RALGAPA1: variants seen among roughly 807,000 people sequenced by gnomAD.
RALGAPA1 encodes Ral GTPase activating protein catalytic subunit alpha 1.
In RALGAPA1, 52 loss-of-function variants were observed where a neutral mutation model predicts 269.6. That is an observed-to-expected ratio of 0.19 (90% confidence interval 0.15 to 0.24). RALGAPA1 has a LOEUF of 0.24. Among genes scored for constraint, RALGAPA1 ranks in the 10% least tolerant of loss-of-function variants. The pLI is 1.00. For missense variants in RALGAPA1, 1,917 were observed against 3,013.9 expected (o/e 0.64, Z 8.52); for synonymous variants, 817 against 1,008.3 (o/e 0.81, Z 3.60).
At chr14:35,546,005 T>A (rs892175526) in intron 41 of RALGAPA1, among the ~76,000 whole-genome samples, 1 of 152,104 alleles carries the variant, frequency 6.6e-6, no homozygotes, top group Non-Finnish European at 1.5e-5. Flanking sequence ...TGTAATTTTT[T>A]AAAAATAAAA....
chr14:35,756,070 T>C (rs1246103318), intron 7 of RALGAPA1, among the ~76,000 whole-genome samples: 1 of 152,218 alleles, frequency 6.6e-6, no homozygotes, highest in Non-Finnish European at 1.5e-5. Flanking sequence ...AGTTGTTACA[T>C]ATTGGCAGAT....
intron 30 of RALGAPA1, among the ~76,000 whole-genome samples, chr14:35,653,399 G>A (rs1283736660): frequency 6.6e-6 from 1 of 152,138 alleles, no homozygotes; most frequent in Non-Finnish European, 1.5e-5. Context: ...TTTTTGAGGA[G>A]ATGGTATTTA....
intron 41 of RALGAPA1, among the ~76,000 whole-genome samples, chr14:35,543,987 G>A (rs1216955414): frequency 6.6e-6 from 1 of 152,042 alleles, no homozygotes; most frequent in African/African-American, 2.4e-5. Context: ...AGGCAAACAT[G>A]TGGTTTCATT....
intron 35 of RALGAPA1, among the ~76,000 whole-genome samples, chr14:35,609,380 A>G (rs1263891231): frequency 1.3e-5 from 2 of 152,182 alleles, no homozygotes; most frequent in Non-Finnish European, 2.9e-5. Context: ...AAATGTAACA[A>G]TTTACTCCTA....
chr14:35,721,549 A>G, intron 16 of RALGAPA1, 139 bp downstream of exon 16: 1 of 661,272 alleles, frequency 1.5e-6, no homozygotes, highest in Non-Finnish European at 2.4e-6. Flanking sequence ...GTACTTCTGG[A>G]AAAAAGGCTT....
chr14:35,762,343 C>T (rs778826797), intron 5 of RALGAPA1, among the ~76,000 whole-genome samples: 60 of 152,134 alleles, frequency 3.9e-4, no homozygotes, highest in Admixed American at 2.6e-4. Flanking sequence ...GCAACCTCTG[C>T]CTCCAGGGTT....
intron 35 of RALGAPA1, among the ~76,000 whole-genome samples, chr14:35,618,896 A>G (rs996137139): frequency 3.3e-5 from 5 of 152,100 alleles, no homozygotes; most frequent in African/African-American, 9.7e-5. Context: ...AAAACATACT[A>G]TAATTACTAA....
At chr14:35,583,915 G>A (rs746233415) in intron 37 of RALGAPA1, among the ~76,000 whole-genome samples, 1 of 152,094 alleles carries the variant, frequency 6.6e-6, no homozygotes, top group Non-Finnish European at 1.5e-5. Flanking sequence ...CAAAAATTGA[G>A]GGAATTTGCA....
At chr14:35,758,102 T>A (rs1394074536) in intron 6 of RALGAPA1, among the ~76,000 whole-genome samples, 2 of 151,704 alleles carry the variant, frequency 1.3e-5, no homozygotes, top group Non-Finnish European at 2.9e-5. Flanking sequence ...ATACAAAAAA[T>A]TTAGCCTGGC....
chr14:35,738,837 C>A (rs1242793432), intron 11 of RALGAPA1, among the ~76,000 whole-genome samples, 187 bp from the exon 12 acceptor site: 1 of 151,922 alleles, frequency 6.6e-6, no homozygotes, highest in Non-Finnish European at 1.5e-5. Flanking sequence ...TTCTCAATGA[C>A]AAAAATATAA....
chr14:35,543,667 G>C (rs2054208095), intron 41 of RALGAPA1, among the ~76,000 whole-genome samples: 1 of 152,130 alleles, frequency 6.6e-6, no homozygotes, highest in Non-Finnish European at 1.5e-5. Flanking sequence ...TTTTGAGAGG[G>C]AGTCTCACTC....
At chr14:35,702,726 A>ATATATATAT (rs55963758) in intron 16 of RALGAPA1, among the ~76,000 whole-genome samples, 3 of 143,500 alleles carry the variant, frequency 2.1e-5, no homozygotes, top group African/African-American at 7.8e-5. Flanking sequence ...AAAAAAAAAA[A>ATATATATAT]ATATATATAT....
intron 37 of RALGAPA1, among the ~76,000 whole-genome samples, chr14:35,594,651 T>C (rs2058823503): frequency 1.3e-5 from 2 of 148,932 alleles, no homozygotes; most frequent in Admixed American, 1.3e-4. Context: ...ATAACAAACA[T>C]CGGTAAGGAT....
intron 6 of RALGAPA1, among the ~76,000 whole-genome samples, chr14:35,757,285 C>T (rs949695840): frequency 3.3e-5 from 5 of 151,822 alleles, no homozygotes; most frequent in Non-Finnish European, 7.4e-5. Flanking sequence ...CCATGCCCAG[C>T]TAATTTTTGT....
At chr14:35,806,533 G>T (rs2077395802) in intron 1 of RALGAPA1, among the ~76,000 whole-genome samples, 1 of 152,168 alleles carries the variant, frequency 6.6e-6, no homozygotes, top group South Asian at 2.1e-4. Context: ...TTGTCCTACA[G>T]TGGGAACACA....
At chr14:35,740,524 G>T (rs2071443486) in intron 11 of RALGAPA1, among the ~76,000 whole-genome samples, 1 of 152,236 alleles carries the variant, frequency 6.6e-6, no homozygotes, top group Non-Finnish European at 1.5e-5. Context: ...AGCCCACTTA[G>T]GTCAGGGGCT....
chr14:35,621,327 T>C (rs2060610384), intron 35 of RALGAPA1, among the ~76,000 whole-genome samples: 1 of 152,190 alleles, frequency 6.6e-6, no homozygotes, highest in African/African-American at 2.4e-5. Flanking sequence ...AAGCTGAAAC[T>C]GGATCCCTTC....
intron 12 of RALGAPA1, among the ~76,000 whole-genome samples, chr14:35,736,377 A>C (rs1323601027): frequency 6.6e-6 from 1 of 152,214 alleles, no homozygotes; most frequent in Non-Finnish European, 1.5e-5. Flanking sequence ...CAGATGAGAG[A>C]TCCTAGACTA....
intron 1 of RALGAPA1, among the ~76,000 whole-genome samples, chr14:35,790,754 T>C (rs1433738810): frequency 6.6e-6 from 1 of 151,404 alleles, no homozygotes; most frequent in African/African-American, 2.4e-5. Flanking sequence ...GAAATTCAAG[T>C]CCCCTCTCCA....
Sources: allele counts gnomAD v4.1 joint callset (sites outside exome capture counted in the v4.1 genomes callset), GRCh38; gene constraint gnomAD v4.1.1; transcripts MANE v1.5; gene names NCBI Gene and HGNC (gene_info 2026-07-23, HGNC 2026-07-21).